MYL2: variants seen among roughly 807,000 people sequenced by gnomAD.
The protein encoded by MYL2 is myosin light chain 2.
A neutral mutation model predicts 23.0 loss-of-function variants in MYL2; 19 were observed. The ratio of observed to expected loss-of-function variants is 0.83; its 90% CI spans 0.58 to 1.21. The LOEUF is 1.21. MYL2 is among the 50% of genes most tolerant of loss of function. The pLI is 0.00. For missense variants in MYL2, 180 were observed against 215.1 expected (o/e 0.84, Z 1.02); for synonymous variants, 78 against 76.2 (o/e 1.02, Z -0.13).
intron 2 of MYL2, 112 bp from the exon 3 acceptor site, chr12:110,915,902 G>A (rs2515925): frequency 1.2e-6 from 1 of 860,024 alleles, no homozygotes; most frequent in Non-Finnish European, 2.0e-6. Context: ...AAAGATCATT[G>A]TAGGACCTCA....
Position 110,912,973 on chromosome 12 carries a change from A to G in MYL2, c.402+123T>C, listed in dbSNP as rs1005961362. On this transcript the variant is annotated intron_variant, in intron 6 of 6. Transcript: ENST00000228841. ...GAATGAAATGAGGCCAGGCCTCAGA[A>G]GACGATAGCTGGTTCTCTGTCAGTG... The G allele has an allele frequency of 3.6e-6, 4 of 1,107,456 alleles. No homozygotes were observed. In the African/African-American group the frequency reaches 6.1e-5, roughly 17 times the overall value. 68.6% of individuals were successfully genotyped at this position (1,107,456 alleles called of 1,614,324 possible).
rs1356499130 is a variant in MYL2 at position 110,911,170 on chromosome 12, G to A, written c.408C>T (p.Asp136=). 7.1e-6 allele frequency: 11 copies of A among 1,553,042 alleles called. No individual in the cohort carries two copies. Among genetic ancestry groups the A allele is most frequent in the Non-Finnish European group, 9.6e-6 (11 of 1,142,444 alleles). The change falls in exon 7 of 7, where the codon GAC becomes GAT. Residue 136 remains aspartate (D), a synonymous_variant. Transcript: ENST00000228841. ...CAGGGGGGAAGGCGGCGAACATCTGGTCAACCTGCAATGAGCCAGCAACAC... is the reference window on the plus strand; with the variant it reads ...CAGGGGGGAAGGCGGCGAACATCTGATCAACCTGCAATGAGCCAGCAACAC... The part of the protein sequence containing the change: ...QAERFSKEEV[D]QMFAAFPPDV...
chr12:110,920,542 C>A lies in MYL2; in HGVS notation c.-13G>T. The A allele has an allele frequency of 5.6e-6, 9 of 1,614,150 alleles. 1 individual carries two copies. The highest frequency in any genetic ancestry group is 6.8e-6 in the Non-Finnish European group (8 of 1,180,038). On this transcript the variant is annotated 5_prime_UTR_variant, in exon 1 of 7. Coordinates refer to ENST00000228841, the MANE Select transcript of MYL2 (RefSeq NM_000432.4). ...TTGTACTCACCATGGTGGAAAGGAC[C>A]CAGCACTGCCTCCCGAGAAGAATTC...
rs730880943 is a variant in MYL2 at position 110,919,148 on chromosome 12, C to G, written c.49G>C (p.Val17Leu). The G allele has an allele frequency of 1.2e-6, 2 of 1,613,874 alleles. No individual in the cohort carries two copies. The highest frequency in any genetic ancestry group is 1.7e-6 in the Non-Finnish European group (2 of 1,180,032). The change falls in exon 2 of 7, where the codon GTG becomes CTG. Residue 17 changes from valine to leucine, a missense_variant. Physicochemically the swap from Val to Leu is conservative, Grantham distance 32 (BLOSUM62 1). Coordinates refer to ENST00000228841, the MANE Select transcript of MYL2 (RefSeq NM_000432.4). ...KKRAGGANSN[V>L]FSMFEQTQIQ... is the part of the protein sequence containing the mutation. ...TGGGTCTGTTCGAACATGGAGAACA[C>G]GTTGGAGTTGGCGCCCCCGGCTCTC...
chr12:110,917,487 T>TCAGA (rs1342445973), intron 2 of MYL2, among the ~76,000 whole-genome samples: 4 of 141,796 alleles, frequency 2.8e-5, no homozygotes, highest in African/African-American at 1.1e-4. Context: ...TCCCATTTAC[T>TCAGA]CAGACAAACA....
chr12:110,920,824 G>A (rs545365757), upstream of MYL2: 5 of 558,256 alleles, frequency 9.0e-6, no homozygotes, highest in Admixed American at 3.1e-5. Context: ...CGCTCTCTGC[G>A]GTGCTTGGGC....
In MYL2 at chr12:110,914,223, A is replaced by G. The variant is rs727503298; in HGVS notation, c.237T>C (p.Phe79=). ...CCCCAAACATTGTGAGGAACACAGTAAAGTTAATTGGACCCGGAGCCTCCT... is the reference window on the plus strand; with the variant it reads ...CCCCAAACATTGTGAGGAACACAGTGAAGTTAATTGGACCCGGAGCCTCCT... ...MIKEAPGPIN[F]TVFLTMFGEK... The change falls in exon 4 of 7, where the codon TTT becomes TTC. Residue 79 remains phenylalanine (F), a synonymous_variant. Transcript: ENST00000228841. 6.2e-7 allele frequency: 1 copy of G among 1,613,946 alleles called. No homozygotes were observed. The highest frequency in any genetic ancestry group is 1.1e-5 in the South Asian group (1 of 91,072).
chr12:110,917,582 C>T (rs573254222), intron 2 of MYL2, among the ~76,000 whole-genome samples: 35 of 152,294 alleles, frequency 2.3e-4, no homozygotes, highest in East Asian at 7.7e-4. Flanking sequence ...CCCACACCGC[C>T]GGCAGCTGAT....
intron 1 of MYL2, 46 bp downstream of exon 1, chr12:110,920,481 T>C: frequency 6.2e-7 from 1 of 1,613,870 alleles, no homozygotes; most frequent in African/African-American, 1.3e-5. Flanking sequence ...TGGCTTCCTC[T>C]CCTCGCCCAC....
chr12:110,920,428 A>G (rs2071714472), intron 1 of MYL2, 99 bp downstream of exon 1: 1 of 1,573,256 alleles, frequency 6.4e-7, no homozygotes, highest in Non-Finnish European at 8.7e-7. Context: ...GGAGGCTTTG[A>G]GGGCCGCCTT....
chr12:110,914,327 G>A (rs760111001), intron 3 of MYL2, 37 bp from the exon 4 acceptor site: 1 of 1,476,986 alleles, frequency 6.8e-7, no homozygotes, highest in Non-Finnish European at 9.5e-7. Flanking sequence ...ACTCCGAGCT[G>A]GGGAGAAAGA....
chr12:110,911,282 G>A, intron 6 of MYL2, 107 bp from the exon 7 acceptor site: 2 of 496,650 alleles, frequency 4.0e-6, no homozygotes, highest in Non-Finnish European at 3.8e-6. Context: ...GGGGGTGGGG[G>A]ATGGGAACAT....
At position 110,919,173 on chromosome 12, in the gene MYL2, C is replaced by T. The variant is rs2136777460; in HGVS notation, c.24G>A (p.Lys8=). 1 of 1,613,628 alleles carries T rather than the reference C, an allele frequency of 6.2e-7. No individual in the cohort carries two copies. The highest frequency in any genetic ancestry group is 8.5e-7 in the Non-Finnish European group (1 of 1,180,010). Reference sequence around the variant, plus strand: ...CGTTGGAGTTGGCGCCCCCGGCTCTCTTCTTTGCTTTCTTAGGTGCCTGGG... The same window carrying T: ...CGTTGGAGTTGGCGCCCCCGGCTCTTTTCTTTGCTTTCTTAGGTGCCTGGG... MAPKKAK[K]RAGGANSNVF... The change falls in exon 2 of 7, where the codon AAG becomes AAA. Residue 8 remains lysine (K), a synonymous_variant. Coordinates refer to ENST00000228841, the MANE Select transcript of MYL2 (RefSeq NM_000432.4).
upstream of MYL2, among the ~76,000 whole-genome samples, chr12:110,921,106 C>G (rs985594987): frequency 1.3e-5 from 2 of 152,244 alleles, no homozygotes; most frequent in Non-Finnish European, 2.9e-5. Context: ...TGCCTGAAAT[C>G]CCAGCACGGC....
chr12:110,913,330 A>C lies in MYL2; in HGVS notation c.275-6T>G. ...GGTTTCCTCAGGGTCCGCTCCTGAA[A>C]CGGAACACAGGGCTTACATGTACTG... On this transcript the variant is annotated splice_polypyrimidine_tract_variant and splice_region_variant and intron_variant, in intron 4 of 6. Coordinates refer to ENST00000228841, the MANE Select transcript of MYL2 (RefSeq NM_000432.4). 6.2e-7 allele frequency: 1 copy of C among 1,614,184 alleles called. No homozygotes were observed. Among genetic ancestry groups the C allele is most frequent in the Non-Finnish European group, 8.5e-7 (1 of 1,180,022 alleles).
rs886039108 is a variant in MYL2 at position 110,911,095 on chromosome 12, G to A, written c.483C>T (p.His161=). Residue 161 remains histidine, a synonymous_variant, in exon 7 of 7, where the codon CAC becomes CAT. Transcript: ENST00000228841. ...CCCCCTCCTAGTCCTTCTCTTCTCC[G>A]TGGGTGATGATGTGCACCAGGTTCT... is the stretch of plus-strand genomic sequence containing the variant. The part of the protein sequence containing the change: ...DYKNLVHIIT[H]GEEKD 6 of 1,613,920 alleles carry A rather than the reference G, an allele frequency of 3.7e-6. No individual in the cohort carries two copies. The highest frequency in any genetic ancestry group is 2.2e-5 in the South Asian group (2 of 91,090).
At chr12:110,916,013 A>G (rs189220645) in intron 2 of MYL2, among the ~76,000 whole-genome samples, 2 of 152,332 alleles carry the variant, frequency 1.3e-5, no homozygotes, top group South Asian at 4.1e-4. Context: ...ATATATACCC[A>G]AGAGAATTGA....
At chr12:110,920,460 C>T (rs1394394494) in intron 1 of MYL2, 67 bp downstream of exon 1, 1 of 1,612,964 alleles carries the variant, frequency 6.2e-7, no homozygotes, top group Non-Finnish European at 8.5e-7. Flanking sequence ...GCCGTGGTCC[C>T]TCGCTTGTAG....
At position 110,910,875 on chromosome 12, in the gene MYL2, C is replaced by T; in HGVS notation, c.*202G>A. 2 of 618,288 alleles carry T rather than the reference C, an allele frequency of 3.2e-6. No homozygotes were observed. Among genetic ancestry groups the T allele is most frequent in the Admixed American group, 2.4e-5 (1 of 41,064 alleles). 38.3% of individuals were successfully genotyped at this position (618,288 alleles called of 1,614,324 possible). The stretch of plus-strand genomic sequence containing the variant: ...GACCTCCTGTTTATTGGAACATGGC[C>T]TCTGGATGGATTTCCAACTGTAGGA... On this transcript the variant is annotated 3_prime_UTR_variant, in exon 7 of 7. Transcript: ENST00000228841.
Sources: gnomAD v4.1 joint callset for allele counts (sites outside exome capture counted in the v4.1 genomes callset) on GRCh38, gnomAD v4.1.1 for gene constraint, MANE v1.5 for transcripts, NCBI Gene and HGNC (gene_info 2026-07-23, HGNC 2026-07-21) for gene names.